The following STS variants were observed in gnomAD, a reference collection of about 807,000 sequenced individuals.
STS encodes the protein steryl-sulfatase.
A neutral mutation model predicts 26.8 loss-of-function variants in STS; 7 were observed. That is an observed-to-expected ratio of 0.26 (90% CI 0.15 to 0.49). The LOEUF is 0.49. Among genes scored for constraint, STS ranks in the 20% least tolerant of loss-of-function variants. The pLI is 0.98. For missense variants in STS, 434 were observed against 465.6 expected (o/e 0.93, Z 0.63); for synonymous variants, 199 against 189.4 (o/e 1.05, Z -0.42).
At chrX:7,252,962 G>A (rs1601687504) in intron 2 of STS, among the ~76,000 whole-genome samples, 4 of 111,671 alleles carry the variant, frequency 3.6e-5, no homozygotes, top group Admixed American at 9.5e-5. Context: ...ACCAGCCTGG[G>A]CAACATAACA....
intron 2 of STS, among the ~76,000 whole-genome samples, chrX:7,238,162 A>G (rs1199699806): frequency 4.6e-5 from 4 of 86,457 alleles, no homozygotes; most frequent in Non-Finnish European, 9.0e-5. Context: ...GTGTGTGTGT[A>G]CACACAATGC....
intron 1 of STS, among the ~76,000 whole-genome samples, chrX:7,189,961 G>A (rs914894701): frequency 2.7e-5 from 3 of 110,297 alleles, no homozygotes; most frequent in Non-Finnish European, 5.7e-5. Flanking sequence ...GAAGAAAAGT[G>A]GGGAGAGAAA....
chrX:7,220,282 C>T (rs750152660), intron 2 of STS, among the ~76,000 whole-genome samples: 2 of 111,136 alleles, frequency 1.8e-5, no homozygotes, highest in Admixed American at 9.6e-5. Context: ...GCAATATCCC[C>T]GACAGATGCG....
chrX:7,204,012 C>T (rs746928584), intron 2 of STS, among the ~76,000 whole-genome samples: 17 of 111,313 alleles, frequency 1.5e-4, no homozygotes, highest in Non-Finnish European at 2.5e-4. Flanking sequence ...CTCAAACTTC[C>T]GTCCTCAAGT....
chrX:7,179,864 GTGGTTAATGGTAATGTA>G (rs1933648439), intron 1 of STS, among the ~76,000 whole-genome samples: 1 of 112,186 alleles, frequency 8.9e-6, no homozygotes, highest in Non-Finnish European at 1.9e-5. Context: ...CATGGTGACT[GTGGTTAATGGTAATGTA>G]TTGTATACTT....
At chrX:7,325,121 T>C (rs1927351442) in intron 8 of STS, among the ~76,000 whole-genome samples, 1 of 112,098 alleles carries the variant, frequency 8.9e-6, no homozygotes, top group African/African-American at 3.2e-5. Context: ...CAAGATGCCA[T>C]ACAGTGCTGA....
intron 2 of STS, chrX:7,219,371 C>A: frequency 3.0e-6 from 3 of 997,002 alleles, no homozygotes; most frequent in Non-Finnish European, 3.8e-6. Context: ...TCTGAAGAAT[C>A]CGGTTTACCA....
intron 8 of STS, 112 bp from the exon 9 acceptor site, chrX:7,325,227 T>G: frequency 1.3e-6 from 1 of 782,033 alleles, no homozygotes; most frequent in Non-Finnish European, 1.9e-6. Flanking sequence ...ATGGAATCTA[T>G]GTAATTAGAG....
chrX:7,325,211 T>G (rs1387401744), intron 8 of STS, 128 bp from the exon 9 acceptor site: 4 of 671,239 alleles, frequency 6.0e-6, no homozygotes, highest in Middle Eastern at 6.0e-4. Flanking sequence ...CATGGAATAC[T>G]CATAGATGGA....
At chrX:7,170,618 A>G (rs1417752613) in intron 1 of STS, among the ~76,000 whole-genome samples, 1 of 109,632 alleles carries the variant, frequency 9.1e-6, no homozygotes, top group Non-Finnish European at 1.9e-5. Flanking sequence ...ACATTAAATT[A>G]AATTTTAAAT....
chrX:7,296,148 A>G (rs1182307328), intron 7 of STS, among the ~76,000 whole-genome samples: 7 of 111,569 alleles, frequency 6.3e-5, no homozygotes, highest in African/African-American at 2.3e-4. Context: ...TTGCACCTCC[A>G]GTTGGATATT....
intron 10 of STS, among the ~76,000 whole-genome samples, chrX:7,341,506 T>A (rs188819030): frequency 8.9e-6 from 1 of 111,903 alleles, no homozygotes; most frequent in East Asian, 2.9e-4. Flanking sequence ...CTGCCCATTT[T>A]TGACACCAAG....
Position 7,185,321 on chromosome X carries a change from A to C in STS, c.-133-5559A>C, listed in dbSNP as rs191574193. On this transcript the variant is annotated intron_variant, in intron 1 of 10. Transcript: ENST00000674429. ...TTTTCTGTATAGGACTGCATAGTAA[A>C]TATTTTCAGCCTTGTGGAGGATACA... Among the ~76,000 whole-genome samples the C allele has an allele frequency of 1.1e-4, 12 of 112,818 alleles. No individual in the cohort carries two copies. The East Asian group carries it at 3.3e-3, about 31-fold the overall frequency.
At chrX:7,185,060 C>T (rs1449756156) in intron 1 of STS, among the ~76,000 whole-genome samples, 1 of 112,089 alleles carries the variant, frequency 8.9e-6, no homozygotes, top group Non-Finnish European at 1.9e-5. Flanking sequence ...GAGTTGGCCA[C>T]GTGTTGTTGG....
chrX:7,350,238 C>T lies in STS; in HGVS notation c.1714C>T (p.Gln572Ter). ...GLSCQCDREKQDKRLSR is the reference protein window; with the variant it reads ...GLSCQCDREK ...GTCTTGCCAGTGTGATAGAGAAAAA[C>T]AGGATAAGAGACTGAGCCGCTAGCA... The change falls in exon 11 of 11, where the codon CAG becomes TAG. Residue 572 changes from glutamine to a stop codon, truncating the protein, a stop_gained. Coordinates refer to ENST00000674429, the MANE Select transcript of STS (RefSeq NM_001320752.2). LOFTEE classifies it high-confidence loss of function. 1.7e-6 allele frequency: 2 copies of T among 1,210,269 alleles called. No individual in the cohort carries two copies. Among genetic ancestry groups the T allele is most frequent in the Non-Finnish European group, 2.2e-6 (2 of 894,734 alleles).
At chrX:7,244,018 G>A (rs1176620828) in intron 2 of STS, among the ~76,000 whole-genome samples, 1 of 111,098 alleles carries the variant, frequency 9.0e-6, no homozygotes, top group Non-Finnish European at 1.9e-5. Context: ...GCAGTGAGTC[G>A]AGATCACACC....
chrX:7,204,107 C>T (rs1225497794), intron 2 of STS, among the ~76,000 whole-genome samples: 2 of 111,963 alleles, frequency 1.8e-5, no homozygotes, highest in African/African-American at 6.5e-5. Flanking sequence ...CACATTTGTG[C>T]TGATGTTGCC....
In STS at chrX:7,352,092, A is replaced by G. The variant is rs1928826490; in HGVS notation, c.*1831A>G. On this transcript the variant is annotated 3_prime_UTR_variant, in exon 11 of 11. Transcript: ENST00000674429. ...AATCTGTATTCTTGCTTTAGAAAACATTCTTAGAGAGGGTACTAGCTTACT... is the reference window on the plus strand; with the variant it reads ...AATCTGTATTCTTGCTTTAGAAAACGTTCTTAGAGAGGGTACTAGCTTACT... 3 of 111,692 alleles carry G rather than the reference A, an allele frequency of 2.7e-5. No individual in the cohort carries two copies. The South Asian group carries it at 1.1e-3, about 42-fold the overall frequency. The allele number at this position is 111,692 out of a possible 1,213,427, so 9.2% of individuals were successfully genotyped here. A position where few individuals can be genotyped will look rare whatever the true frequency, so the allele number is the denominator to read the frequency against.
intron 1 of STS, among the ~76,000 whole-genome samples, chrX:7,163,446 G>GT (rs753991561): frequency 3.6e-5 from 4 of 112,368 alleles, no homozygotes; most frequent in South Asian, 3.7e-4. Flanking sequence ...GCTAGAGCTT[G>GT]TCACAGCTGG....
Sources: allele counts gnomAD v4.1 joint callset (sites outside exome capture counted in the v4.1 genomes callset), GRCh38; gene constraint gnomAD v4.1.1; transcripts MANE v1.5; gene names NCBI Gene and HGNC (gene_info 2026-07-23, HGNC 2026-07-21).